Variants in EP400 observed in about 807,000 individuals in gnomAD.
The protein encoded by EP400 is E1A-binding protein p400.
Under a neutral mutation model 354.1 loss-of-function variants are expected in EP400, and 105 were observed. The observed-to-expected ratio is 0.30, with a 90% CI of 0.25 to 0.35. The LOEUF (loss-of-function observed/expected upper bound fraction) is 0.35. Among genes scored for constraint, EP400 ranks in the 10% least tolerant of loss-of-function variants. The pLI, the probability that EP400 is intolerant of heterozygous loss-of-function variation, is 1.00. For missense variants in EP400, 3,280 were observed against 4,121.0 expected (o/e 0.80, Z 5.59); for synonymous variants, 1,646 against 1,716.9 (o/e 0.96, Z 1.02).
Position 131,982,485 on chromosome 12 carries a change from G to A in EP400, c.1929+7G>A. On this transcript the variant is annotated splice_region_variant and intron_variant, in intron 5 of 52. Transcript: ENST00000389561. Reference sequence around the variant, plus strand: ...GCTTTCCTCCCTGCCACAGGTATGAGAAAAGATAGAGGAAAAAAAGAAAAT... The same window carrying A: ...GCTTTCCTCCCTGCCACAGGTATGAAAAAAGATAGAGGAAAAAAAGAAAAT... 6.3e-7 allele frequency: 1 copy of A among 1,587,526 alleles called. No homozygotes were observed.
In EP400 at chr12:132,044,247, G is replaced by A. The variant is rs571726290; in HGVS notation, c.6521G>A (p.Arg2174Gln). ...AAGACCCTGCAGGAGAGGGAGGCCC[G>A]GCTGCGGCTGGAGCAGGAGGAGGCG... The part of the protein sequence containing the change: ...NLKTLQEREA[R>Q]LRLEQEEAEL... The change falls in exon 35 of 53, where the codon CGG becomes CAG. Residue 2174 changes from arginine to glutamine, a missense_variant. By Grantham distance (43) the Arg-to-Gln change is conservative. Around this residue, in one of 20 missense-constraint regions of EP400, gnomAD observed 231 missense variants for 257.9 expected, o/e 0.90. Coordinates refer to ENST00000389561, the MANE Select transcript of EP400 (RefSeq NM_015409.5). 27 of 1,614,162 alleles carry A rather than the reference G, an allele frequency of 1.7e-5. No individual in the cohort carries two copies. In the South Asian group the frequency reaches 2.0e-4, roughly 12 times the overall value.
chr12:132,035,758 G>A (rs952092388), intron 30 of EP400, among the ~76,000 whole-genome samples: 6 of 147,498 alleles, frequency 4.1e-5, no homozygotes, highest in Admixed American at 6.8e-5. Context: ...GGAACGTCTT[G>A]GAAGCACACA....
rs1253957475 is a variant in EP400 at position 132,045,328 on chromosome 12, GGAA to G, written c.6802_6804del (p.Lys2268del). The G allele has an allele frequency of 6.2e-7, 1 of 1,614,200 alleles. No individual in the cohort carries two copies. Among genetic ancestry groups the G allele is most frequent in the Admixed American group, 1.7e-5 (1 of 60,024 alleles). Reference sequence around the variant, plus strand: ...CTGCCTCTCTGTTCAGCTGCAGGCAGGAAGAAGAAGCAGCGTCACGGGGAGGCG... The same window carrying G: ...CTGCCTCTCTGTTCAGCTGCAGGCAGGAAGAAGCAGCGTCACGGGGAGGCG... On this transcript the variant is annotated inframe_deletion, in exon 38 of 53. Transcript: ENST00000389561.
At chr12:132,074,497 CTTT>C (rs1447508684) in intron 51 of EP400, among the ~76,000 whole-genome samples, 4 of 152,206 alleles carry the variant, frequency 2.6e-5, no homozygotes, top group African/African-American at 4.8e-5. Context: ...GAGACGTTGT[CTTT>C]GTCTTTGTTG....
At chr12:132,002,600 C>A (rs1279552394) in intron 12 of EP400, among the ~76,000 whole-genome samples, 1 of 152,204 alleles carries the variant, frequency 6.6e-6, no homozygotes, top group Admixed American at 6.5e-5. Context: ...CTGATGGGCT[C>A]TGGTTGCATG....
rs1895740178 is a variant in EP400 at position 132,062,585 on chromosome 12, C to CAGT, written c.8220_8221insTAG (p.Gln2740_Gln2741insTer). ...GCAGCAGCAGCAGCAGCAGCAGCAGCAGCAGCAACAGCAGCAGCAGCAACA... is the reference window on the plus strand; with the variant it reads ...GCAGCAGCAGCAGCAGCAGCAGCAGCAGTAGCAGCAACAGCAGCAGCAGCAACA... On this transcript the variant is annotated stop_gained and inframe_insertion, in exon 47 of 53. Transcript: ENST00000389561. LOFTEE classifies it high-confidence loss of function. The CAGT allele has an allele frequency of 6.3e-7, 1 of 1,599,584 alleles. No individual in the cohort carries two copies. Among genetic ancestry groups the CAGT allele is most frequent in the Non-Finnish European group, 8.5e-7 (1 of 1,169,780 alleles).
intron 2 of EP400, among the ~76,000 whole-genome samples, chr12:131,965,999 CT>C (rs1892062622): frequency 1.3e-5 from 2 of 150,668 alleles, no homozygotes; most frequent in Non-Finnish European, 2.9e-5. Flanking sequence ...AAGAGTCTCT[CT>C]GAAAGTATTC....
chr12:131,963,184 A>C (rs773911052), intron 2 of EP400, among the ~76,000 whole-genome samples: 1 of 152,226 alleles, frequency 6.6e-6, no homozygotes, highest in South Asian at 2.1e-4. Context: ...GACCTTTGCC[A>C]TTCTGACCCT....
chr12:132,021,421 T>C (rs1280690487), intron 23 of EP400, 100 bp downstream of exon 23: 1 of 1,402,268 alleles, frequency 7.1e-7, no homozygotes, highest in East Asian at 2.7e-5. Flanking sequence ...GTCCACTCCT[T>C]TGTCTTTCCC....
chr12:132,001,353 G>A (rs748140426), intron 12 of EP400, among the ~76,000 whole-genome samples: 4 of 152,216 alleles, frequency 2.6e-5, no homozygotes, highest in Non-Finnish European at 2.9e-5. Flanking sequence ...GAGGCAGAGA[G>A]AGAGAGACAG....
Position 132,066,755 on chromosome 12 carries a change from C to T in EP400, c.8554-19C>T, listed in dbSNP as rs1239854805. On this transcript the variant is annotated intron_variant, in intron 48 of 52. Coordinates refer to ENST00000389561, the MANE Select transcript of EP400 (RefSeq NM_015409.5). ...TGTCCTGAATTTCTCTGGACTCTCC[C>T]ATTATTTCTACTGTTTAGACCCGGG... is the stretch of plus-strand genomic sequence containing the variant. 3 of 1,607,666 alleles carry T rather than the reference C, an allele frequency of 1.9e-6. No homozygotes were observed. The South Asian group carries it at 3.3e-5, about 18-fold the overall frequency.
At chr12:132,015,508 C>T (rs533797190) in intron 19 of EP400, among the ~76,000 whole-genome samples, 4 of 152,338 alleles carry the variant, frequency 2.6e-5, no homozygotes, top group Admixed American at 6.5e-5. Flanking sequence ...GTACAGAGAC[C>T]GTCTTAGGGA....
At chr12:132,034,340 GT>G (rs1378338202) in intron 30 of EP400, among the ~76,000 whole-genome samples, 1 of 152,234 alleles carries the variant, frequency 6.6e-6, no homozygotes, top group East Asian at 1.9e-4. Flanking sequence ...TGTGCCAAGT[GT>G]GAAGACACAC....
At chr12:131,995,653 C>G (rs1200434059) in intron 12 of EP400, among the ~76,000 whole-genome samples, 3 of 148,062 alleles carry the variant, frequency 2.0e-5, no homozygotes, top group Non-Finnish European at 4.4e-5. Context: ...TGCCGTTCAT[C>G]CTGAGTGTGT....
chr12:132,037,519 G>A (rs568405381), intron 30 of EP400, among the ~76,000 whole-genome samples, 163 bp from the exon 31 acceptor site: 22 of 152,188 alleles, frequency 1.4e-4, no homozygotes, highest in Admixed American at 2.6e-4. Context: ...AGATTGGAGG[G>A]GCTGGCTGAG....
Position 131,990,641 on chromosome 12 carries a change from G to A in EP400, c.2556G>A (p.Val852=). 1 of 1,606,642 alleles carries A rather than the reference G, an allele frequency of 6.2e-7. No individual in the cohort carries two copies. The highest frequency in any genetic ancestry group is 8.5e-7 in the Non-Finnish European group (1 of 1,175,518). Residue 852 remains valine (V), a synonymous_variant, in exon 9 of 53, where the codon GTG becomes GTA. Transcript: ENST00000389561. This position sits in a 1 kb window ranked among gnomAD's most constrained non-coding sequence, Gnocchi z 4.2. ...ECFWSNIEQV[V]EIKLRVELEE... ...ATTTAATCCTTTGCATTTAGGTTGT[G>A]GAAATAAAACTACGAGTAGAATTAG... is the stretch of plus-strand genomic sequence containing the variant.
At position 132,020,180 on chromosome 12, in the gene EP400, C is replaced by T. The variant is rs890935063; in HGVS notation, c.4409C>T (p.Pro1470Leu). The change falls in exon 22 of 53, where the codon CCG becomes CTG. Residue 1470 changes from proline (P) to leucine (L), a missense_variant. Physicochemically the swap from Pro to Leu is moderately conservative, Grantham distance 98. Transcript: ENST00000389561. ...CCACAGGGCCCGCTTCGAGGACGGC[C>T]GCCCATCGCCACGTTCTCTGCCAAT... Reference protein sequence around the residue: ...AAPQGPLRGRPPIATFSANPE... With the variant: ...AAPQGPLRGRLPIATFSANPE... The T allele has an allele frequency of 9.3e-6, 15 of 1,609,950 alleles. No homozygotes were observed. Among genetic ancestry groups the T allele is most frequent in the Middle Eastern group, 3.3e-4 (2 of 6,076 alleles).
At position 132,018,867 on chromosome 12, in the gene EP400, G is replaced by A. The variant is rs1446922090; in HGVS notation, c.4277+491G>A. 2.0e-5 allele frequency among the ~76,000 whole-genome samples: 3 copies of A among 152,186 alleles called. No homozygotes were observed. Among genetic ancestry groups the A allele is most frequent in the Non-Finnish European group, 4.4e-5 (3 of 68,034 alleles). ...ATAAATGACTCATAGTCTAAATCTA[G>A]CAATTGGAAATATCCAAAATCCTAT... On this transcript the variant is annotated intron_variant, in intron 21 of 52. Transcript: ENST00000389561. The surrounding 1 kb of genome is among the most constrained non-coding windows in gnomAD (Gnocchi z 4.0).
At position 132,018,842 on chromosome 12, in the gene EP400, A is replaced by T. The variant is rs896569730; in HGVS notation, c.4277+466A>T. ...ACACGTTAGATGATTAAAACGAGATATAAATGACTCATAGTCTAAATCTAG... is the reference window on the plus strand; with the variant it reads ...ACACGTTAGATGATTAAAACGAGATTTAAATGACTCATAGTCTAAATCTAG... On this transcript the variant is annotated intron_variant, in intron 21 of 52. Coordinates refer to ENST00000389561, the MANE Select transcript of EP400 (RefSeq NM_015409.5). This position sits in a 1 kb window ranked among gnomAD's most constrained non-coding sequence, Gnocchi z 4.0. 2.0e-5 allele frequency among the ~76,000 whole-genome samples: 3 copies of T among 152,232 alleles called. No individual in the cohort carries two copies. The highest frequency in any genetic ancestry group is 4.4e-5 in the Non-Finnish European group (3 of 68,042).
Sources: allele counts gnomAD v4.1 joint callset (sites outside exome capture counted in the v4.1 genomes callset), GRCh38; gene constraint gnomAD v4.1.1; regional missense constraint gnomAD v4.1.1; non-coding constraint Gnocchi (gnomAD v3.1); transcripts MANE v1.5; gene names NCBI Gene and HGNC (gene_info 2026-07-23, HGNC 2026-07-21).